Variants in TENM1 observed in about 807,000 individuals in gnomAD.
TENM1 encodes teneurin transmembrane protein 1, also known as teneurin-1.
In TENM1, 35 loss-of-function variants were observed where a neutral mutation model predicts 174.8. The observed-to-expected ratio is 0.20, with a 90% CI of 0.15 to 0.27. TENM1 has a LOEUF of 0.27. TENM1 is among the 10% of genes least tolerant of loss of function. The pLI is 1.00. For synonymous variants in TENM1, 781 were observed against 798.7 expected (o/e 0.98, Z 0.37); for missense variants, 1,633 against 2,130.1 (o/e 0.77, Z 4.59).
the TENM1 span, among the ~76,000 whole-genome samples, chrX:125,110,580 CT>C: frequency 4.9e-5 from 5 of 103,023 alleles, no homozygotes; most frequent in African/African-American, 1.9e-4. Context: ...GCTGTTTCCC[CT>C]ATCCCATTTT....
chrX:124,751,657 A>G (rs1381135857), intron 3 of TENM1, among the ~76,000 whole-genome samples: 1 of 67,391 alleles, frequency 1.5e-5, no homozygotes, highest in Non-Finnish European at 2.8e-5. Context: ...CCACCCCACA[A>G]CAGTTCCCAG....
At chrX:125,147,225 T>C in the TENM1 span, among the ~76,000 whole-genome samples, 1 of 109,737 alleles carries the variant, frequency 9.1e-6, no homozygotes, top group Non-Finnish European at 1.9e-5. Flanking sequence ...GACACATGTA[T>C]GCATATGTGT....
chrX:124,419,966 C>G, intron 25 of TENM1, among the ~76,000 whole-genome samples: 1 of 112,100 alleles, frequency 8.9e-6, no homozygotes, highest in East Asian at 2.8e-4. Flanking sequence ...TGCTTTAGAA[C>G]TACAGTTTTG....
At chrX:125,049,304 T>A in the TENM1 span, among the ~76,000 whole-genome samples, 2 of 112,274 alleles carry the variant, frequency 1.8e-5, no homozygotes, top group Non-Finnish European at 3.8e-5. Flanking sequence ...GATTTGGCTA[T>A]CTTTGGCATT....
chrX:124,936,936 C>T (rs1043610749), intron 1 of TENM1, among the ~76,000 whole-genome samples: 1 of 109,991 alleles, frequency 9.1e-6, no homozygotes, highest in South Asian at 4.0e-4. Context: ...ATCCCAGCTA[C>T]TTGGGAGGCT....
At chrX:124,639,188 C>T (rs1316557596) in intron 11 of TENM1, among the ~76,000 whole-genome samples, 1 of 111,791 alleles carries the variant, frequency 8.9e-6, no homozygotes, top group Non-Finnish European at 1.9e-5. Flanking sequence ...GGCCCCTGCT[C>T]ATCTCACCAG....
intron 3 of TENM1, among the ~76,000 whole-genome samples, chrX:124,741,800 T>A (rs1166466407): frequency 8.9e-6 from 1 of 112,210 alleles, no homozygotes; most frequent in Non-Finnish European, 1.9e-5. Flanking sequence ...GGTATATACA[T>A]GTGCCCATTT....
chrX:125,050,305 T>A, the TENM1 span, among the ~76,000 whole-genome samples: 2 of 108,389 alleles, frequency 1.8e-5, no homozygotes, highest in East Asian at 3.0e-4. Flanking sequence ...ATGCTATCCC[T>A]CCCCCCTGCC....
intron 14 of TENM1, among the ~76,000 whole-genome samples, chrX:124,550,781 C>T (rs1442963112): frequency 2.9e-5 from 3 of 103,606 alleles, no homozygotes; most frequent in Non-Finnish European, 5.9e-5. Flanking sequence ...TTTTTTGAGA[C>T]GGACTTTTGC....
intron 5 of TENM1, among the ~76,000 whole-genome samples, chrX:124,687,937 T>C (rs1272230595): frequency 8.9e-6 from 1 of 111,822 alleles, no homozygotes; most frequent in African/African-American, 3.2e-5. Flanking sequence ...GCTCAAAGGG[T>C]CCAAAGTTTC....
chrX:124,837,438 T>C (rs764259779), intron 3 of TENM1, among the ~76,000 whole-genome samples: 25 of 112,527 alleles, frequency 2.2e-4, no homozygotes, highest in African/African-American at 6.8e-4. Context: ...CACAGACTTC[T>C]AGAAAACAGA....
At chrX:124,403,302 C>T (rs1467632761) in intron 27 of TENM1, among the ~76,000 whole-genome samples, 3 of 109,731 alleles carry the variant, frequency 2.7e-5, no homozygotes, top group African/African-American at 1.0e-4. Flanking sequence ...AGGTGGATCA[C>T]GAGGTCAGGA....
At chrX:124,898,416 A>G (rs184566491) in intron 1 of TENM1, among the ~76,000 whole-genome samples, 2 of 111,082 alleles carry the variant, frequency 1.8e-5, no homozygotes, top group Admixed American at 1.9e-4. Flanking sequence ...TAAAGATACA[A>G]GAAAGGGAGT....
intron 3 of TENM1, among the ~76,000 whole-genome samples, chrX:124,785,042 G>A (rs1039543114): frequency 5.4e-5 from 6 of 111,823 alleles, no homozygotes; most frequent in African/African-American, 9.7e-5. Context: ...TTGAGGAAGC[G>A]TTGGATACAG....
intron 11 of TENM1, among the ~76,000 whole-genome samples, chrX:124,579,633 G>A (rs1185769926): frequency 2.7e-5 from 3 of 111,687 alleles, no homozygotes; most frequent in African/African-American, 9.8e-5. Context: ...TTATACATAT[G>A]CATTATTCTT....
chrX:124,403,460 C>T (rs1186805150), intron 27 of TENM1, among the ~76,000 whole-genome samples: 2 of 103,105 alleles, frequency 1.9e-5, no homozygotes, highest in African/African-American at 3.6e-5. Context: ...GCAGAGCTTG[C>T]AGTGAGCCGA....
chrX:125,080,424 C>T, the TENM1 span, among the ~76,000 whole-genome samples: 7 of 110,686 alleles, frequency 6.3e-5, no homozygotes, highest in African/African-American at 2.0e-4. Context: ...AGATTCTCAA[C>T]CTTTGTTACT....
chrX:125,082,616 T>G, the TENM1 span, among the ~76,000 whole-genome samples: 1 of 111,352 alleles, frequency 9.0e-6, no homozygotes, highest in East Asian at 2.9e-4. Context: ...CTCCTGTACT[T>G]CATTCATTTA....
At chrX:124,580,451 CATGTATAT>C (rs1569320128) in intron 11 of TENM1, among the ~76,000 whole-genome samples, 1 of 108,549 alleles carries the variant, frequency 9.2e-6, no homozygotes, top group Non-Finnish European at 1.9e-5. Flanking sequence ...TATAGATATA[CATGTATAT>C]ATGTATGTGA....
Sources: allele counts gnomAD v4.1 joint callset (sites outside exome capture counted in the v4.1 genomes callset), GRCh38; gene constraint gnomAD v4.1.1; transcripts MANE v1.5; gene names NCBI Gene and HGNC (gene_info 2026-07-23, HGNC 2026-07-21).